The following PRIM2 variants were observed in gnomAD, a reference collection of about 807,000 sequenced individuals.
The protein encoded by PRIM2 is DNA primase subunit 2.
Under a neutral mutation model 67.3 loss-of-function variants are expected in PRIM2, and 39 were observed. The ratio of observed to expected loss-of-function variants is 0.58; its 90% CI spans 0.45 to 0.76. The LOEUF is 0.76. PRIM2 is among the 30% of genes least tolerant of loss of function. PRIM2 has a pLI of 0.00. For missense variants in PRIM2, 398 were observed against 598.7 expected, an observed-to-expected ratio of 0.66 and a Z score of 3.50; for synonymous variants, 143 against 198.7, an observed-to-expected ratio of 0.72 and a Z score of 2.36.
the PRIM2 span, among the ~76,000 whole-genome samples, chr6:57,262,555 A>G: frequency 1.3e-5 from 2 of 152,078 alleles, no homozygotes. Flanking sequence ...GGCTTTGCCG[A>G]GGCTGAAACT....
chr6:57,568,023 T>C (rs1775782926), intron 10 of PRIM2, among the ~76,000 whole-genome samples: 1 of 152,186 alleles, frequency 6.6e-6, no homozygotes, highest in African/African-American at 2.4e-5. Context: ...TATACAATAT[T>C]ATGAAAAGCT....
chr6:57,356,931 C>CTTTTT (rs761605036), intron 5 of PRIM2, among the ~76,000 whole-genome samples: 2 of 120,764 alleles, frequency 1.7e-5, no homozygotes, highest in Non-Finnish European at 3.5e-5. Context: ...CCAATCCATT[C>CTTTTT]TTTTTTTTTT....
At chr6:57,372,318 T>C (rs62417993) in intron 5 of PRIM2, among the ~76,000 whole-genome samples, 1 of 152,238 alleles carries the variant, frequency 6.6e-6, no homozygotes, top group Non-Finnish European at 1.5e-5. Flanking sequence ...GACCTTAGCA[T>C]TGGATAGACT....
intron 7 of PRIM2, among the ~76,000 whole-genome samples, chr6:57,416,019 G>A (rs75830394): frequency 4.6e-5 from 7 of 152,068 alleles, no homozygotes; most frequent in East Asian, 1.9e-4. Context: ...TTCCTCTCCC[G>A]TGAATCACAA....
At position 57,446,289 on chromosome 6, in the gene PRIM2, GT is replaced by G. The variant is rs10667309; in HGVS notation, c.694-61084del. On this transcript the variant is annotated intron_variant, in intron 7 of 13. Coordinates refer to ENST00000615550, the MANE Select transcript of PRIM2 (RefSeq NM_000947.5). Reference sequence around the variant, plus strand: ...AGGATCATGAGTAACTGTTTTTTTTGTTTTTTTTTTTTTTAGAAGTAATAGA... The same window carrying G: ...AGGATCATGAGTAACTGTTTTTTTTGTTTTTTTTTTTTTAGAAGTAATAGA... Among the ~76,000 whole-genome samples the G allele has an allele frequency of 2.1e-3, 289 of 139,604 alleles. 5 individuals carry two copies. The highest frequency in any genetic ancestry group is 0.017 in the East Asian group (83 of 4,792). 91.6% of individuals were successfully genotyped at this position (139,604 alleles called of 152,430 possible).
At chr6:57,489,430 A>G (rs1357560965) in intron 7 of PRIM2, among the ~76,000 whole-genome samples, 1 of 152,270 alleles carries the variant, frequency 6.6e-6, no homozygotes, top group Non-Finnish European at 1.5e-5. Flanking sequence ...GGTGGTGGGC[A>G]CCTGTAGTCT....
At chr6:57,337,710 A>T (rs1389736885) in intron 5 of PRIM2, among the ~76,000 whole-genome samples, 1 of 152,232 alleles carries the variant, frequency 6.6e-6, no homozygotes, top group Non-Finnish European at 1.5e-5. Flanking sequence ...CATTCAAAGC[A>T]GTGTGTAGAG....
intron 12 of PRIM2, among the ~76,000 whole-genome samples, chr6:57,621,374 G>T (rs1481836331): frequency 1.3e-5 from 2 of 152,076 alleles, no homozygotes; most frequent in Non-Finnish European, 2.9e-5. Flanking sequence ...TAAAGGTTCC[G>T]CCTCTTAATA....
At chr6:57,405,906 C>G (rs1336513136) in intron 7 of PRIM2, among the ~76,000 whole-genome samples, 1 of 152,232 alleles carries the variant, frequency 6.6e-6, no homozygotes, top group Non-Finnish European at 1.5e-5. Flanking sequence ...ATCATCAGTA[C>G]CACCATCATC....
At chr6:57,550,469 A>T (rs2127474747) in intron 10 of PRIM2, among the ~76,000 whole-genome samples, 1 of 152,288 alleles carries the variant, frequency 6.6e-6, no homozygotes, top group Admixed American at 6.5e-5. Context: ...CTATCATTAG[A>T]ATAAAACAGG....
At chr6:57,426,829 A>C (rs6928979) in intron 7 of PRIM2, among the ~76,000 whole-genome samples, 1 of 152,238 alleles carries the variant, frequency 6.6e-6, no homozygotes, top group Admixed American at 6.5e-5. Context: ...TGGCTAAAGT[A>C]GAAATGTGTA....
chr6:57,342,504 C>T (rs62418108), intron 5 of PRIM2, among the ~76,000 whole-genome samples: 3 of 152,186 alleles, frequency 2.0e-5, no homozygotes, highest in African/African-American at 4.8e-5. Context: ...TCTGTGCTCT[C>T]GCAGTCTAGA....
chr6:57,485,861 C>T, intron 7 of PRIM2, among the ~76,000 whole-genome samples: 1 of 152,290 alleles, frequency 6.6e-6, no homozygotes, highest in Non-Finnish European at 1.5e-5. Flanking sequence ...CCCTGGCTTC[C>T]CCCTTAAAGG....
chr6:57,643,041 T>TA (rs1777273930), intron 13 of PRIM2, among the ~76,000 whole-genome samples: 1 of 152,190 alleles, frequency 6.6e-6, no homozygotes, highest in African/African-American at 2.4e-5. Context: ...CAATTTTTTT[T>TA]AACATTCATT....
chr6:57,450,193 A>G (rs1226101867), intron 7 of PRIM2, among the ~76,000 whole-genome samples: 2 of 152,236 alleles, frequency 1.3e-5, no homozygotes, highest in Non-Finnish European at 2.9e-5. Flanking sequence ...ATTTTATAAC[A>G]TAACACTCAT....
intron 10 of PRIM2, among the ~76,000 whole-genome samples, chr6:57,547,457 TCC>T (rs1775311767): frequency 6.6e-6 from 1 of 152,176 alleles, no homozygotes; most frequent in South Asian, 2.1e-4. Context: ...GATGTTTAGC[TCC>T]CACTTATACG....
At chr6:57,358,720 A>G (rs1769107668) in intron 5 of PRIM2, among the ~76,000 whole-genome samples, 1 of 152,220 alleles carries the variant, frequency 6.6e-6, no homozygotes, top group Non-Finnish European at 1.5e-5. Context: ...TATTGGCAGT[A>G]CAGTAAAAAT....
intron 10 of PRIM2, among the ~76,000 whole-genome samples, chr6:57,600,688 G>A (rs1309456467): frequency 6.6e-6 from 1 of 152,116 alleles, no homozygotes. Context: ...CATTTAGGAA[G>A]TAGAATGGGT....
At chr6:57,284,664 C>T in the PRIM2 span, among the ~76,000 whole-genome samples, 8 of 152,060 alleles carry the variant, frequency 5.3e-5, no homozygotes, top group Admixed American at 5.2e-4. Flanking sequence ...TCAAGACGTT[C>T]CATAAAAGTA....
Sources: allele counts gnomAD v4.1 joint callset (sites outside exome capture counted in the v4.1 genomes callset), GRCh38; gene constraint gnomAD v4.1.1; transcripts MANE v1.5; gene names NCBI Gene and HGNC (gene_info 2026-07-23, HGNC 2026-07-21).